Variants in PLOD1 observed in about 807,000 individuals in gnomAD.
PLOD1 encodes the protein procollagen-lysine,2-oxoglutarate 5-dioxygenase 1.
Under a neutral mutation model 94.7 loss-of-function variants are expected in PLOD1, and 70 were observed. The ratio of observed to expected loss-of-function variants is 0.74; its 90% confidence interval spans 0.61 to 0.90. The LOEUF (loss-of-function observed/expected upper bound fraction) is 0.90, where lower values mean the gene tolerates loss of function less well. PLOD1 is among the 40% of genes least tolerant of loss of function. The pLI is 0.00. For synonymous variants in PLOD1, 417 were observed against 400.2 expected, an observed-to-expected ratio of 1.04 and a Z score of -0.50; for missense variants, 905 against 972.7, an observed-to-expected ratio of 0.93 and a Z score of 0.93.
At chr1:11,965,958 G>C (rs1252416266) in intron 14 of PLOD1, among the ~76,000 whole-genome samples, 1 of 152,188 alleles carries the variant, frequency 6.6e-6, no homozygotes, top group Non-Finnish European at 1.5e-5. Flanking sequence ...ATCAGAAGGG[G>C]AGACAGTTGT....
At chr1:11,955,461 C>T (rs1645731891) in intron 6 of PLOD1, among the ~76,000 whole-genome samples, 1 of 152,136 alleles carries the variant, frequency 6.6e-6, no homozygotes, top group Admixed American at 6.6e-5. Context: ...GAACCGGATC[C>T]ACTGATTGCT....
intron 6 of PLOD1, 49 bp from the exon 7 acceptor site, chr1:11,956,868 C>G: frequency 7.7e-7 from 1 of 1,303,734 alleles, no homozygotes; most frequent in Non-Finnish European, 1.1e-6. Context: ...GACCCTGAGC[C>G]TGACCTCTGG....
chr1:11,951,548 ATT>A (rs1366328300), intron 4 of PLOD1, among the ~76,000 whole-genome samples: 2 of 147,126 alleles, frequency 1.4e-5, no homozygotes, highest in Non-Finnish European at 3.0e-5. Context: ...AAAATAAATA[ATT>A]TTTTTAAATA....
At position 11,957,400 on chromosome 1, in the gene PLOD1, CAGAAG is replaced by C. The variant is rs1645746646; in HGVS notation, c.741+387_741+391del. 1.3e-5 allele frequency among the ~76,000 whole-genome samples: 2 copies of C among 152,174 alleles called. No individual in the cohort carries two copies. Among genetic ancestry groups the C allele is most frequent in the Admixed American group, 1.3e-4 (2 of 15,280 alleles). ...GACGGATGTCCTGCATTCATGGTGA[CAGAAG>C]GGACTGGGTGCAGATGCGGCCAGGG... On this transcript the variant is annotated intron_variant, in intron 7 of 18. Coordinates refer to ENST00000196061, the MANE Select transcript of PLOD1 (RefSeq NM_000302.4). This position sits in a 1 kb window ranked among gnomAD's most constrained non-coding sequence, Gnocchi z 4.1.
chr1:11,971,141 G>A (rs1468848435), intron 17 of PLOD1, among the ~76,000 whole-genome samples: 2 of 94,996 alleles, frequency 2.1e-5, no homozygotes, highest in Admixed American at 2.3e-4. Context: ...TGAGGGAGTG[G>A]AGAGACTGGA....
intron 6 of PLOD1, 113 bp downstream of exon 6, chr1:11,955,006 TGA>T: frequency 1.2e-6 from 1 of 827,178 alleles, no homozygotes; most frequent in African/African-American, 1.7e-5. Context: ...GCCATTGTGC[TGA>T]GAGGTCACTG....
In PLOD1 at chr1:11,974,636, T is replaced by C. The variant is rs1364668686; in HGVS notation, c.2029-17T>C. On this transcript the variant is annotated splice_polypyrimidine_tract_variant and intron_variant, in intron 18 of 18. Coordinates refer to ENST00000196061, the MANE Select transcript of PLOD1 (RefSeq NM_000302.4). ...GGGGGCGGTGGGGAAAGGCCACTGA[T>C]GCTTTCTGTCTCCCAGGGCGGGGGC... The C allele has an allele frequency of 6.2e-7, 1 of 1,610,918 alleles. No homozygotes were observed. The highest frequency in any genetic ancestry group is 8.5e-7 in the Non-Finnish European group (1 of 1,177,810).
chr1:11,961,546 G>T (rs1012982635), intron 10 of PLOD1, among the ~76,000 whole-genome samples: 1 of 152,174 alleles, frequency 6.6e-6, no homozygotes, highest in Non-Finnish European at 1.5e-5. Context: ...TGCCCTAGTA[G>T]CACAGAGGCT....
At chr1:11,946,836 A>G (rs747092259) in intron 1 of PLOD1, among the ~76,000 whole-genome samples, 8 of 152,202 alleles carry the variant, frequency 5.3e-5, no homozygotes, top group Non-Finnish European at 1.2e-4. Context: ...TTTGGCTCAC[A>G]GTTCTGCAGG....
rs1645873036 is a variant in PLOD1 at position 11,972,448 on chromosome 1, T to C, written c.1903-424T>C. On this transcript the variant is annotated intron_variant, in intron 17 of 18. Coordinates refer to ENST00000196061, the MANE Select transcript of PLOD1 (RefSeq NM_000302.4). The surrounding 1 kb of genome is among the most constrained non-coding windows in gnomAD (Gnocchi z 4.6). Reference sequence around the variant, plus strand: ...TTGTAATTTCAGTAGAGATGGGGTTTCACCATGTTGGCCAGGCTGGTCTCA... The same window carrying C: ...TTGTAATTTCAGTAGAGATGGGGTTCCACCATGTTGGCCAGGCTGGTCTCA... 5.1e-6 allele frequency: 1 copy of C among 194,470 alleles called. No homozygotes were observed. The highest frequency in any genetic ancestry group is 5.4e-5 in the Admixed American group (1 of 18,572). 12.0% of individuals were successfully genotyped at this position (194,470 alleles called of 1,614,324 possible).
chr1:11,940,606 C>T (rs1645609023), intron 1 of PLOD1, among the ~76,000 whole-genome samples: 1 of 152,220 alleles, frequency 6.6e-6, no homozygotes, highest in South Asian at 2.1e-4. Flanking sequence ...CTTTAGCACC[C>T]TCTCTGTTGT....
intron 1 of PLOD1, 81 bp downstream of exon 1, chr1:11,934,936 G>C (rs1645568148): frequency 6.8e-7 from 1 of 1,473,966 alleles, no homozygotes; most frequent in South Asian, 1.3e-5. Flanking sequence ...GGAACGACCT[G>C]AATGGGAGGC....
chr1:11,962,016 C>T (rs1465648231), intron 10 of PLOD1, among the ~76,000 whole-genome samples: 2 of 152,062 alleles, frequency 1.3e-5, no homozygotes, highest in African/African-American at 2.4e-5. Context: ...CTCAAGCTCC[C>T]GAACTCAAGT....
chr1:11,944,219 C>T (rs190511117), intron 1 of PLOD1, among the ~76,000 whole-genome samples: 74 of 150,792 alleles, frequency 4.9e-4, no homozygotes, highest in African/African-American at 1.7e-3. Context: ...GGTGACAGAG[C>T]GAGACTCTGT....
In PLOD1 at chr1:11,954,820, T is replaced by C. The variant is rs1645726829; in HGVS notation, c.580-10T>C. On this transcript the variant is annotated splice_polypyrimidine_tract_variant and intron_variant, in intron 5 of 18. Transcript: ENST00000196061. Reference sequence around the variant, plus strand: ...GTCCCTGCTGCAGTCTGGTACCTTCTTTCCTGCAGGAGCAGATCAATATCA... The same window carrying C: ...GTCCCTGCTGCAGTCTGGTACCTTCCTTCCTGCAGGAGCAGATCAATATCA... 1.2e-6 allele frequency: 2 copies of C among 1,610,354 alleles called. No homozygotes were observed. The highest frequency in any genetic ancestry group is 8.5e-7 in the Non-Finnish European group (1 of 1,176,554).
At chr1:11,954,199 G>GTATCAT in intron 5 of PLOD1, 2 of 151,830 alleles carry the variant, frequency 1.3e-5, no homozygotes, top group Non-Finnish European at 2.8e-5. Flanking sequence ...GCCAGGTGCG[G>GTATCAT]TGGCTCACAC....
rs749210400 is a variant in PLOD1, at chr1:11,963,567, A to T, written c.1133A>T (p.Tyr378Phe). Reference protein sequence around the residue: ...LCRQDRSCTYYFSVDADVALT... With the variant: ...LCRQDRSCTYFFSVDADVALT... ...CGGCAGGACCGCAGCTGCACCTACT[A>T]CTTCAGCGTGGATGCTGACGTGGCC... Residue 378 changes from tyrosine (Y) to phenylalanine (F), a missense_variant, in exon 11 of 19, where the codon TAC becomes TTC. Tyr to Phe is a conservative substitution (Grantham distance 22). Coordinates refer to ENST00000196061, the MANE Select transcript of PLOD1 (RefSeq NM_000302.4). This position sits in a 1 kb window ranked among gnomAD's most constrained non-coding sequence, Gnocchi z 4.3. The T allele has an allele frequency of 1.2e-6, 2 of 1,604,396 alleles. No homozygotes were observed. The highest frequency in any genetic ancestry group is 2.2e-5 in the East Asian group (1 of 44,544).
rs11121846 is a variant in PLOD1, at chr1:11,970,390, G to A, written c.1756-280G>A. Among the ~76,000 whole-genome samples, 77,236 of 152,042 alleles carry A rather than the reference G, an allele frequency of 0.51. 20,244 individuals are homozygous for A. The highest frequency in any genetic ancestry group is 0.64 in the East Asian group (3,324 of 5,174). On this transcript the variant is annotated intron_variant, in intron 16 of 18. Transcript: ENST00000196061. The stretch of plus-strand genomic sequence containing the variant: ...TGAGGCTGCAGTGAGCTGAAGTTGC[G>A]CCACTGCGCTCTTACCTGTGCAACA...
chr1:11,953,102 C>G (rs1443797218), intron 5 of PLOD1, among the ~76,000 whole-genome samples: 2 of 152,066 alleles, frequency 1.3e-5, no homozygotes, highest in African/African-American at 4.8e-5. Context: ...ATTGCCCAGG[C>G]TAGAGTACAG....
Sources: gnomAD v4.1 joint callset for allele counts (sites outside exome capture counted in the v4.1 genomes callset) on GRCh38, gnomAD v4.1.1 for gene constraint, Gnocchi (gnomAD v3.1) non-coding constraint, MANE v1.5 for transcripts, NCBI Gene and HGNC (gene_info 2026-07-23, HGNC 2026-07-21) for gene names.